RFWD3: variants seen among roughly 807,000 people sequenced by gnomAD.
RFWD3 encodes ring finger and WD repeat domain 3.
In RFWD3, 65 loss-of-function variants were observed where a neutral mutation model predicts 87.7. The observed-to-expected ratio is 0.74, with a 90% confidence interval of 0.61 to 0.91. The LOEUF (loss-of-function observed/expected upper bound fraction) is 0.91, where lower values mean the gene tolerates loss of function less well. Among genes scored for constraint, RFWD3 ranks in the 40% least tolerant of loss-of-function variants. The pLI is 0.00. For missense variants in RFWD3, 1,078 were observed against 938.5 expected, an observed-to-expected ratio of 1.15 and a Z score of -1.94; for synonymous variants, 433 against 352.8, an observed-to-expected ratio of 1.23 and a Z score of -2.55.
Position 74,660,936 on chromosome 16 carries a change from C to G in RFWD3, c.514G>C (p.Ala172Pro). 6.2e-7 allele frequency: 1 copy of G among 1,610,928 alleles called. No individual in the cohort carries two copies. The highest frequency in any genetic ancestry group is 2.2e-5 in the East Asian group (1 of 44,810). Residue 172 changes from alanine (A) to proline (P), a missense_variant, in exon 2 of 13, where the codon GCC becomes CCC. Transcript: ENST00000361070. ...RAGGSQRTDS[A>P]RLRAPLDAYF... Reference sequence around the variant, plus strand: ...CTTATCCATATATTTATTTACCTGGCACTGTCTGTCCTCTGAGACCCTCCG... The same window carrying G: ...CTTATCCATATATTTATTTACCTGGGACTGTCTGTCCTCTGAGACCCTCCG...
intron 9 of RFWD3, among the ~76,000 whole-genome samples, chr16:74,631,240 T>A (rs771935954): frequency 6.6e-6 from 1 of 152,118 alleles, no homozygotes; most frequent in Non-Finnish European, 1.5e-5. Flanking sequence ...TCCCAGCACT[T>A]TGGGATTCTG....
intron 1 of RFWD3, chr16:74,664,238 A>G (rs1961696430): frequency 6.6e-6 from 1 of 152,144 alleles, no homozygotes; most frequent in African/African-American, 2.4e-5. Flanking sequence ...GGAGTGAGCT[A>G]CTGCAGCTGC....
intron 4 of RFWD3, among the ~76,000 whole-genome samples, chr16:74,648,258 C>T (rs1406707175): frequency 6.6e-6 from 1 of 151,902 alleles, no homozygotes; most frequent in Non-Finnish European, 1.5e-5. Context: ...TAATGAGTAA[C>T]TGGGATAGGA....
intron 6 of RFWD3, among the ~76,000 whole-genome samples, chr16:74,640,335 AC>A (rs1959525946): frequency 6.6e-6 from 1 of 151,674 alleles, no homozygotes; most frequent in South Asian, 2.1e-4. Flanking sequence ...TAGTAGAGAC[AC>A]GGTTTCATCA....
chr16:74,623,560 C>A lies in RFWD3; in HGVS notation c.*368G>T. On this transcript the variant is annotated 3_prime_UTR_variant, in exon 13 of 13. Coordinates refer to ENST00000361070, the MANE Select transcript of RFWD3 (RefSeq NM_018124.4). ...ACAACTCAGATGGGATGTCATATTC[C>A]CCAGAAAATGCTTGATGCCCACTCA... is the stretch of plus-strand genomic sequence containing the variant. 2.2e-5 allele frequency: 4 copies of A among 185,914 alleles called. No individual in the cohort carries two copies. Among genetic ancestry groups the A allele is most frequent in the Non-Finnish European group, 4.4e-5 (4 of 90,170 alleles). 11.5% of individuals were successfully genotyped at this position (185,914 alleles called of 1,614,324 possible). A position where few individuals can be genotyped will look rare whatever the true frequency, so the allele number is the denominator to read the frequency against.
chr16:74,645,902 G>T (rs1025615028), intron 4 of RFWD3, among the ~76,000 whole-genome samples: 1 of 151,532 alleles, frequency 6.6e-6, no homozygotes, highest in Non-Finnish European at 1.5e-5. Flanking sequence ...ACAGGCGCCT[G>T]CCACCAAGCC....
At chr16:74,640,108 G>T (rs971415326) in intron 6 of RFWD3, among the ~76,000 whole-genome samples, 1 of 151,852 alleles carries the variant, frequency 6.6e-6, no homozygotes. Flanking sequence ...TGTGGCTAAG[G>T]GGGGACTACT....
chr16:74,658,766 ATTT>A (rs386364851), intron 2 of RFWD3, among the ~76,000 whole-genome samples: 27 of 139,484 alleles, frequency 1.9e-4, no homozygotes, highest in Non-Finnish European at 1.9e-4. Context: ...AGATTCTATA[ATTT>A]TTTTTTTTTT....
chr16:74,666,220 AGATT>A lies in RFWD3; in HGVS notation c.-3+562_-3+565del, dbSNP rs1555529797. 672 of 143,050 alleles carry A rather than the reference AGATT, an allele frequency of 4.7e-3. 3 individuals are homozygous for A. Among genetic ancestry groups the A allele is most frequent in the African/African-American group, 0.016 (596 of 38,362 alleles). 8.9% of individuals were successfully genotyped at this position (143,050 alleles called of 1,614,324 possible). On this transcript the variant is annotated intron_variant, in intron 1 of 12. Transcript: ENST00000361070. ...TAGATAGATAGATAGATAGATAGAT[AGATT>A]GATTAGATACATAGATATTAAATCC...
At chr16:74,659,166 G>C (rs1477758160) in intron 2 of RFWD3, among the ~76,000 whole-genome samples, 6 of 152,044 alleles carry the variant, frequency 3.9e-5, no homozygotes, top group Non-Finnish European at 8.8e-5. Context: ...CCTTAAGTTG[G>C]TTAATACAAG....
intron 11 of RFWD3, among the ~76,000 whole-genome samples, chr16:74,627,363 T>C (rs1029847769): frequency 7.2e-5 from 11 of 152,164 alleles, no homozygotes; most frequent in African/African-American, 2.7e-4. Flanking sequence ...ATCCCTTCCC[T>C]GAGCAGAGGT....
chr16:74,655,697 G>C (rs1478356423), intron 2 of RFWD3, among the ~76,000 whole-genome samples: 1 of 151,252 alleles, frequency 6.6e-6, no homozygotes, highest in Non-Finnish European at 1.5e-5. Flanking sequence ...CTAATTTGTT[G>C]TATTTTTAGT....
intron 6 of RFWD3, among the ~76,000 whole-genome samples, chr16:74,643,671 T>C (rs62053579): frequency 0.043 from 4,529 of 105,792 alleles, 354 homozygotes; most frequent in Non-Finnish European, 0.052. Flanking sequence ...TAGCAACTGT[T>C]TTTTTTTTTT....
chr16:74,645,835 T>C (rs1397926204), intron 4 of RFWD3, among the ~76,000 whole-genome samples: 1 of 148,376 alleles, frequency 6.7e-6, no homozygotes. Context: ...TCACTGCAAG[T>C]TCCGCCTCCT....
intron 10 of RFWD3, among the ~76,000 whole-genome samples, chr16:74,630,121 C>T (rs577231652): frequency 1.3e-5 from 2 of 151,730 alleles, no homozygotes; most frequent in African/African-American, 4.8e-5. Context: ...CTTGAGATGG[C>T]GTCTCACTCT....
intron 4 of RFWD3, among the ~76,000 whole-genome samples, chr16:74,647,941 AT>A (rs969401914): frequency 6.6e-6 from 1 of 151,388 alleles, no homozygotes; most frequent in East Asian, 2.0e-4. Context: ...ATTCTGCCTG[AT>A]TTTTTTTTAA....
chr16:74,666,718 C>T (rs1036125562), intron 1 of RFWD3, 68 bp downstream of exon 1: 1 of 134,884 alleles, frequency 7.4e-6, no homozygotes, highest in Non-Finnish European at 1.6e-5. Flanking sequence ...ATCCAGGAAT[C>T]AGGCGTGGGG....
chr16:74,659,053 C>A (rs1234530476), intron 2 of RFWD3, among the ~76,000 whole-genome samples: 1 of 152,172 alleles, frequency 6.6e-6, no homozygotes, highest in East Asian at 1.9e-4. Flanking sequence ...AGCCACTATG[C>A]CCAGCCACAT....
intron 12 of RFWD3, among the ~76,000 whole-genome samples, chr16:74,624,693 G>A (rs1258846677): frequency 6.6e-6 from 1 of 152,156 alleles, no homozygotes; most frequent in Non-Finnish European, 1.5e-5. Context: ...CACCGCGTCT[G>A]GCCTCTAAAA....
Sources: gnomAD v4.1 joint callset for allele counts (sites outside exome capture counted in the v4.1 genomes callset) on GRCh38, gnomAD v4.1.1 for gene constraint, MANE v1.5 for transcripts, NCBI Gene and HGNC (gene_info 2026-07-23, HGNC 2026-07-21) for gene names.